The following STK3 variants were observed in gnomAD, a reference collection of about 807,000 sequenced individuals.
STK3 encodes the protein serine/threonine-protein kinase 3.
Under a neutral mutation model 58.0 loss-of-function variants are expected in STK3, and 41 were observed. The observed-to-expected ratio is 0.71, with a 90% CI of 0.55 to 0.92. The LOEUF is 0.92. STK3 is among the 40% of genes least tolerant of loss of function. STK3 has a pLI of 0.00. For missense variants in STK3, 479 were observed against 602.7 expected (o/e 0.79, Z 2.15); for synonymous variants, 170 against 191.0 (o/e 0.89, Z 0.91).
intron 7 of STK3, among the ~76,000 whole-genome samples, chr8:98,588,750 T>C (rs1716205931): frequency 2.0e-5 from 3 of 151,934 alleles, no homozygotes; most frequent in Admixed American, 1.3e-4. Flanking sequence ...AGACGTAGAT[T>C]TGGTCTTTTC....
At chr8:98,352,210 A>G in the STK3 span, among the ~76,000 whole-genome samples, 2 of 151,942 alleles carry the variant, frequency 1.3e-5, no homozygotes, top group African/African-American at 4.8e-5. Flanking sequence ...AGAGAATCCC[A>G]TAACAAAAGA....
chr8:98,697,264 CT>C (rs1226208171), intron 6 of STK3, among the ~76,000 whole-genome samples: 1 of 152,088 alleles, frequency 6.6e-6, no homozygotes, highest in African/African-American at 2.4e-5. Context: ...CTTTATTAGT[CT>C]TGCTAGCGGT....
intron 1 of STK3, among the ~76,000 whole-genome samples, chr8:98,926,207 A>T (rs1049483130): frequency 6.6e-6 from 1 of 152,084 alleles, no homozygotes; most frequent in African/African-American, 2.4e-5. Context: ...GGTTGGGGGG[A>T]GAGCAGCTGG....
At chr8:98,413,175 G>A (rs927090866) in intron 3 of STK3, 5 of 292,202 alleles carry the variant, frequency 1.7e-5, no homozygotes, top group African/African-American at 6.7e-5. Flanking sequence ...CACCACGCCC[G>A]GTTATTTTTT....
intron 6 of STK3, among the ~76,000 whole-genome samples, chr8:98,627,645 T>G (rs1404931845): frequency 6.6e-6 from 1 of 152,114 alleles, no homozygotes; most frequent in African/African-American, 2.4e-5. Context: ...GCCAAGCAGA[T>G]GCTGGCATCA....
At chr8:98,588,026 C>G (rs1229701288) in intron 7 of STK3, among the ~76,000 whole-genome samples, 1 of 152,178 alleles carries the variant, frequency 6.6e-6, no homozygotes, top group East Asian at 1.9e-4. Context: ...CAATACAGCA[C>G]ACTGATGGGT....
intron 1 of STK3, among the ~76,000 whole-genome samples, chr8:98,824,345 C>T (rs1194139271): frequency 1.3e-5 from 2 of 152,230 alleles, no homozygotes; most frequent in Non-Finnish European, 2.9e-5. Flanking sequence ...TATAATGAAA[C>T]TCTGATAACT....
intron 1 of STK3, among the ~76,000 whole-genome samples, chr8:98,931,360 C>T (rs996541719): frequency 6.6e-6 from 1 of 152,164 alleles, no homozygotes; most frequent in Non-Finnish European, 1.5e-5. Context: ...TGCAAGCACA[C>T]AGCTCATAAA....
chr8:98,696,092 T>C (rs953146825), intron 6 of STK3, among the ~76,000 whole-genome samples: 15 of 152,140 alleles, frequency 9.9e-5, no homozygotes, highest in Non-Finnish European at 2.1e-4. Flanking sequence ...CCCTTGTAAG[T>C]TGGATTCCCA....
intron 9 of STK3, among the ~76,000 whole-genome samples, chr8:98,530,818 T>C (rs1563708379): frequency 1.3e-5 from 2 of 152,364 alleles, no homozygotes; most frequent in Middle Eastern, 3.4e-3. Flanking sequence ...AGTCCTTTGT[T>C]GTCATTTCAA....
the STK3 span, among the ~76,000 whole-genome samples, chr8:98,360,515 C>CT: frequency 0.18 from 26,678 of 145,768 alleles, 2,766 homozygotes; most frequent in Middle Eastern, 0.34. Context: ...CAATTTCTTT[C>CT]TTTTTTTTTT....
At chr8:98,497,283 T>C (rs999563443) in intron 10 of STK3, among the ~76,000 whole-genome samples, 2 of 152,152 alleles carry the variant, frequency 1.3e-5, no homozygotes, top group Non-Finnish European at 2.9e-5. Context: ...TAACACCATA[T>C]ACAAATATTA....
rs75000116 is a variant in STK3 at position 98,550,446 on chromosome 8, T to C, written c.949-2285A>G. On this transcript the variant is annotated intron_variant, in intron 8 of 10. Coordinates refer to ENST00000419617, the MANE Select transcript of STK3 (RefSeq NM_006281.4). ...CAAATCAGATATTATTTCATTTATC[T>C]CTCCAGTCTCTCCTATCTGTCTCCA... is the stretch of plus-strand genomic sequence containing the variant. Among the ~76,000 whole-genome samples the C allele has an allele frequency of 2.7e-3, 406 of 152,268 alleles. 15 individuals carry two copies. In the East Asian group the frequency reaches 0.067, roughly 25 times the overall value.
chr8:98,912,346 C>T (rs1445596480), intron 1 of STK3, among the ~76,000 whole-genome samples: 1 of 152,000 alleles, frequency 6.6e-6, no homozygotes, highest in Non-Finnish European at 1.5e-5. Context: ...CCACTGCACT[C>T]CAGCCTGGGT....
intron 4 of STK3, among the ~76,000 whole-genome samples, chr8:98,741,253 C>T (rs1174135735): frequency 1.3e-4 from 20 of 152,220 alleles, no homozygotes; most frequent in Non-Finnish European, 2.6e-4. Flanking sequence ...ACCTAATAGA[C>T]ATCTACAGAA....
Position 98,442,669 on chromosome 8 carries a change from TG to T in STK3, n.186-5462del, listed in dbSNP as rs377614055. ...TAATATCATTTCCACTATCTCTGTG[TG>T]GTAGCTGTTGGTCTGTCATTCACCC... On this transcript the variant is annotated intron_variant and non_coding_transcript_variant, in intron 1 of 3. Transcript: ENST00000517832. 3.2e-3 allele frequency among the ~76,000 whole-genome samples: 492 copies of T among 152,344 alleles called. 2 individuals carry two copies. The highest frequency in any genetic ancestry group is 0.011 in the African/African-American group (458 of 41,578).
In STK3 at chr8:98,937,872, C is replaced by T. The variant is rs1453735978; in HGVS notation, c.-79+4506G>A. The stretch of plus-strand genomic sequence containing the variant: ...CTTGGCATTTCCTAAGGGCTGGCTG[C>T]TTTGAATGTTACTATATCAAACCAT... On this transcript the variant is annotated intron_variant, in intron 1 of 1. Coordinates refer to the STK3 transcript ENST00000519420. 5.9e-5 allele frequency among the ~76,000 whole-genome samples: 9 copies of T among 152,298 alleles called. No homozygotes were observed. The East Asian group carries it at 1.5e-3, about 26-fold the overall frequency.
chr8:98,443,976 A>T (rs1271123193), intron 1 of STK3, among the ~76,000 whole-genome samples: 2 of 152,240 alleles, frequency 1.3e-5, no homozygotes, highest in Non-Finnish European at 2.9e-5. Context: ...CTTAGATCCA[A>T]AATTTAAATC....
chr8:98,582,492 T>C (rs1007348814), intron 7 of STK3, among the ~76,000 whole-genome samples: 6 of 152,102 alleles, frequency 3.9e-5, no homozygotes, highest in Non-Finnish European at 8.8e-5. Context: ...CATTTTTTGT[T>C]TTAGTTTTTT....
Sources: gnomAD v4.1 joint callset for allele counts (sites outside exome capture counted in the v4.1 genomes callset) on GRCh38, gnomAD v4.1.1 for gene constraint, MANE v1.5 for transcripts, NCBI Gene and HGNC (gene_info 2026-07-23, HGNC 2026-07-21) for gene names.